Variants in SNX6 observed in about 807,000 individuals in gnomAD.
The protein encoded by SNX6 is sorting nexin 6.
A neutral mutation model predicts 63.0 loss-of-function variants in SNX6; 34 were observed. The ratio of observed to expected loss-of-function variants is 0.54; its 90% CI spans 0.41 to 0.72. SNX6 has a LOEUF of 0.72. Ranked by LOEUF, SNX6 falls within the 30% of genes least tolerant of loss-of-function variation. SNX6 has a pLI of 0.00. For missense variants in SNX6, 398 were observed against 471.4 expected (o/e 0.84, Z 1.44); for synonymous variants, 170 against 164.2 (o/e 1.04, Z -0.27).
intron 2 of SNX6, among the ~76,000 whole-genome samples, chr14:34,619,899 A>G (rs913264803): frequency 1.4e-4 from 21 of 151,972 alleles, no homozygotes; most frequent in African/African-American, 5.1e-4. Flanking sequence ...TTTTATAGAG[A>G]TGAGGTCTCA....
chr14:34,614,785 C>T (rs1489187979), intron 2 of SNX6, among the ~76,000 whole-genome samples: 1 of 152,074 alleles, frequency 6.6e-6, no homozygotes, highest in Non-Finnish European at 1.5e-5. Flanking sequence ...CATGGTGGCC[C>T]ACATTTGTAG....
At chr14:34,567,619 A>G (rs951056361) in intron 13 of SNX6, 67 bp downstream of exon 13, 7 of 1,212,108 alleles carry the variant, frequency 5.8e-6, no homozygotes, top group South Asian at 3.9e-5. Flanking sequence ...AGAATTATCA[A>G]TGTCATAACT....
intron 10 of SNX6, 29 bp from the exon 11 acceptor site, chr14:34,575,871 A>T (rs1006767338): frequency 2.3e-6 from 3 of 1,301,812 alleles, no homozygotes; most frequent in African/African-American, 1.5e-5. Flanking sequence ...TTGAATATTT[A>T]ATCAACAACT....
chr14:34,607,895 G>A (rs1883082080), intron 4 of SNX6, 135 bp downstream of exon 4: 1 of 486,104 alleles, frequency 2.1e-6, no homozygotes, highest in Admixed American at 3.8e-5. Flanking sequence ...GCAACAGAGT[G>A]AGACTCCATC....
chr14:34,578,593 G>A (rs1956444292), intron 10 of SNX6, among the ~76,000 whole-genome samples: 2 of 143,152 alleles, frequency 1.4e-5, no homozygotes, highest in South Asian at 4.4e-4. Context: ...TGATGCCACT[G>A]CATTCCAGCC....
chr14:34,603,020 G>A (rs2138342771), intron 6 of SNX6, among the ~76,000 whole-genome samples: 1 of 149,254 alleles, frequency 6.7e-6, no homozygotes, highest in East Asian at 2.0e-4. Flanking sequence ...GCTCACGCCT[G>A]TAATCCTAGC....
chr14:34,595,347 G>C (rs1386675886), intron 7 of SNX6, among the ~76,000 whole-genome samples: 1 of 152,074 alleles, frequency 6.6e-6, no homozygotes, highest in African/African-American at 2.4e-5. Context: ...ATGTTGGTCA[G>C]GCTGGTCTCA....
chr14:34,604,004 A>G, intron 5 of SNX6: 1 of 587,392 alleles, frequency 1.7e-6, no homozygotes, highest in Non-Finnish European at 2.3e-6. Flanking sequence ...AAATATTTTA[A>G]TACCAGCAGT....
At chr14:34,591,230 T>TAAA (rs67980327) in intron 8 of SNX6, among the ~76,000 whole-genome samples, 65 of 150,566 alleles carry the variant, frequency 4.3e-4, no homozygotes, top group Middle Eastern at 3.4e-3. Context: ...ACAAAGCTGT[T>TAAA]AAAAAAAAAA....
chr14:34,605,448 A>G, intron 5 of SNX6, 148 bp downstream of exon 5: 2 of 584,218 alleles, frequency 3.4e-6, no homozygotes, highest in Non-Finnish European at 5.8e-6. Flanking sequence ...GATCATTAAT[A>G]CTGGTTGTAT....
At chr14:34,622,153 G>C (rs989957126) in intron 2 of SNX6, among the ~76,000 whole-genome samples, 1 of 150,094 alleles carries the variant, frequency 6.7e-6, no homozygotes, top group African/African-American at 2.4e-5. Context: ...GTACAGTTGG[G>C]GTTTCGTCAC....
intron 13 of SNX6, among the ~76,000 whole-genome samples, chr14:34,566,103 A>T (rs899546893): frequency 6.6e-6 from 1 of 151,552 alleles, no homozygotes; most frequent in Non-Finnish European, 1.5e-5. Context: ...GCCTCTCTTT[A>T]AAAAAAAAGA....
intron 2 of SNX6, among the ~76,000 whole-genome samples, chr14:34,628,404 A>G (rs1021813499): frequency 1.3e-5 from 2 of 152,164 alleles, no homozygotes; most frequent in Admixed American, 1.3e-4. Context: ...GCTTGCAGTG[A>G]GCCAAGATAG....
intron 2 of SNX6, among the ~76,000 whole-genome samples, chr14:34,622,569 C>CAAA (rs35554563): frequency 4.0e-5 from 4 of 99,702 alleles, no homozygotes; most frequent in African/African-American, 7.6e-5. Flanking sequence ...GGCAATAGAG[C>CAAA]AAAAAAAAAA....
chr14:34,622,675 C>A (rs1883672146), intron 2 of SNX6, among the ~76,000 whole-genome samples: 1 of 151,974 alleles, frequency 6.6e-6, no homozygotes, highest in African/African-American at 2.4e-5. Flanking sequence ...GCAACCTCTG[C>A]TCCAGTAAGA....
intron 2 of SNX6, among the ~76,000 whole-genome samples, chr14:34,623,508 A>G (rs1170218879): frequency 6.6e-6 from 1 of 152,202 alleles, no homozygotes; most frequent in Non-Finnish European, 1.5e-5. Context: ...TTTTAGTAAT[A>G]TAAGTAATTT....
chr14:34,627,698 C>T (rs1243470243), intron 2 of SNX6, among the ~76,000 whole-genome samples: 3 of 152,130 alleles, frequency 2.0e-5, no homozygotes, highest in Non-Finnish European at 2.9e-5. Flanking sequence ...CCATGTTGGT[C>T]AGGCTGGTCT....
chr14:34,568,851 A>C (rs879237682), intron 11 of SNX6: 6 of 1,082,422 alleles, frequency 5.5e-6, no homozygotes, highest in African/African-American at 1.6e-5. Context: ...AGCCTCGGCT[A>C]AAGTGGCCAG....
At chr14:34,572,244 C>A (rs566047677) in intron 11 of SNX6, among the ~76,000 whole-genome samples, 23 of 152,196 alleles carry the variant, frequency 1.5e-4, no homozygotes, top group Non-Finnish European at 3.2e-4. Flanking sequence ...CTTAAAGTTA[C>A]TAAGAAATTG....
Sources: allele counts gnomAD v4.1 joint callset (sites outside exome capture counted in the v4.1 genomes callset), GRCh38; gene constraint gnomAD v4.1.1; transcripts MANE v1.5; gene names NCBI Gene and HGNC (gene_info 2026-07-23, HGNC 2026-07-21).